GFRA1: variants seen among roughly 807,000 people sequenced by gnomAD.
The protein encoded by GFRA1 is GDNF family receptor alpha 1.
GFRA1 carries 16 observed loss-of-function variants against 51.6 expected under a neutral mutation model. The observed-to-expected ratio is 0.31, with a 90% CI of 0.21 to 0.47. The LOEUF (loss-of-function observed/expected upper bound fraction) is 0.47. Among genes scored for constraint, GFRA1 ranks in the 20% least tolerant of loss-of-function variants. The pLI, the probability that GFRA1 is intolerant of heterozygous loss-of-function variation, is 1.00. For synonymous variants in GFRA1, 270 were observed against 241.3 expected, an observed-to-expected ratio of 1.12 and a Z score of -1.10; for missense variants, 530 against 594.3, an observed-to-expected ratio of 0.89 and a Z score of 1.13.
intron 5 of GFRA1, among the ~76,000 whole-genome samples, chr10:116,203,592 CCAAA>C (rs1337202845): frequency 2.0e-5 from 3 of 152,136 alleles, no homozygotes; most frequent in African/African-American, 4.8e-5. Flanking sequence ...GGGCACCAGC[CCAAA>C]CAGACAAACA....
chr10:116,089,512 C>T (rs1281745189), intron 9 of GFRA1, among the ~76,000 whole-genome samples: 1 of 152,168 alleles, frequency 6.6e-6, no homozygotes, highest in East Asian at 1.9e-4. Flanking sequence ...GGGCCAGAAA[C>T]AAGCCACACT....
At chr10:116,196,847 A>ATATT (rs1256765205) in intron 5 of GFRA1, among the ~76,000 whole-genome samples, 21 of 93,496 alleles carry the variant, frequency 2.2e-4, no homozygotes, top group African/African-American at 7.0e-4. Context: ...ATATATATAT[A>ATATT]TTTTTTTTCC....
chr10:116,129,073 A>G (rs1474550765), intron 5 of GFRA1, among the ~76,000 whole-genome samples: 1 of 152,190 alleles, frequency 6.6e-6, no homozygotes, highest in Non-Finnish European at 1.5e-5. Context: ...TGGAATATTC[A>G]AAGGGGAAAA....
chr10:116,269,706 T>A (rs1290731077), intron 3 of GFRA1, 120 bp from the exon 4 acceptor site: 1 of 714,172 alleles, frequency 1.4e-6, no homozygotes, highest in Non-Finnish European at 2.6e-6. Flanking sequence ...GCTGAAACTT[T>A]GAAAGATTTC....
At chr10:116,151,430 G>A (rs897552513) in intron 5 of GFRA1, among the ~76,000 whole-genome samples, 3 of 152,096 alleles carry the variant, frequency 2.0e-5, no homozygotes, top group Admixed American at 2.0e-4. Context: ...TGGGGAAGGG[G>A]CACCCCACTA....
chr10:116,096,981 C>T (rs1036881867), intron 6 of GFRA1, among the ~76,000 whole-genome samples: 3 of 152,122 alleles, frequency 2.0e-5, no homozygotes, highest in African/African-American at 4.8e-5. Flanking sequence ...GTCCCTTTCC[C>T]CAGCCCTCGC....
At chr10:116,134,082 G>T (rs118123801) in intron 5 of GFRA1, among the ~76,000 whole-genome samples, 2,325 of 152,280 alleles carry the variant, frequency 0.015, 27 homozygotes, top group Middle Eastern at 0.037. Context: ...TATTTCTATG[G>T]ATTATGAGGT....
chr10:116,064,625 G>T, intron 10 of GFRA1, 81 bp from the exon 11 acceptor site: 1 of 1,306,562 alleles, frequency 7.7e-7, no homozygotes, highest in Non-Finnish European at 1.1e-6. Context: ...CTCTCCCCCC[G>T]ACTCCCCACT....
intron 6 of GFRA1, among the ~76,000 whole-genome samples, chr10:116,121,855 T>C (rs980756982): frequency 5.3e-5 from 8 of 152,286 alleles, no homozygotes; most frequent in Non-Finnish European, 5.9e-5. Flanking sequence ...TACCAGCTGC[T>C]ACTCTGGGTA....
intron 4 of GFRA1, among the ~76,000 whole-genome samples, chr10:116,221,375 A>T (rs1224607633): frequency 6.6e-6 from 1 of 152,164 alleles, no homozygotes; most frequent in African/African-American, 2.4e-5. Flanking sequence ...GAACAAATAA[A>T]TATGCCTCGT....
At chr10:116,066,277 G>C (rs953549188) in intron 9 of GFRA1, among the ~76,000 whole-genome samples, 1 of 152,186 alleles carries the variant, frequency 6.6e-6, no homozygotes, top group African/African-American at 2.4e-5. Context: ...CCACTCACTA[G>C]TCACTGTTTA....
chr10:116,152,472 G>A (rs992633713), intron 5 of GFRA1, among the ~76,000 whole-genome samples: 4 of 152,264 alleles, frequency 2.6e-5, no homozygotes, highest in African/African-American at 9.6e-5. Flanking sequence ...TGGGAGTAGG[G>A]GCAAGAGGCC....
intron 4 of GFRA1, among the ~76,000 whole-genome samples, chr10:116,228,721 G>A (rs1449156054): frequency 1.3e-5 from 2 of 151,904 alleles, no homozygotes; most frequent in Admixed American, 6.6e-5. Flanking sequence ...GGTGGCTCAC[G>A]CCTGTAATCC....
chr10:116,110,038 G>A lies in GFRA1; in HGVS notation c.771-13274C>T, dbSNP rs144070892. On this transcript the variant is annotated intron_variant, in intron 6 of 10. Coordinates refer to ENST00000355422, the MANE Select transcript of GFRA1 (RefSeq NM_005264.8). ...ATATTGCTGTTACCACACTCAAGGT[G>A]CTCCCTGTGCCCGCTGCCTCTCTCC... 1.1e-3 allele frequency among the ~76,000 whole-genome samples: 173 copies of A among 152,240 alleles called. 2 individuals are homozygous for A. Among genetic ancestry groups the A allele is most frequent in the African/African-American group, 3.9e-3 (160 of 41,556 alleles).
At chr10:116,184,637 C>A (rs1314799716) in intron 5 of GFRA1, among the ~76,000 whole-genome samples, 1 of 152,128 alleles carries the variant, frequency 6.6e-6, no homozygotes, top group Non-Finnish European at 1.5e-5. Flanking sequence ...GTGGGCCTCC[C>A]GGCCAGCTGC....
At chr10:116,244,311 A>C (rs1016281505) in intron 4 of GFRA1, among the ~76,000 whole-genome samples, 2 of 143,940 alleles carry the variant, frequency 1.4e-5, no homozygotes, top group South Asian at 4.3e-4. Context: ...AAAAATTATA[A>C]TATATAATAT....
At chr10:116,133,683 A>C (rs1479083913) in intron 5 of GFRA1, among the ~76,000 whole-genome samples, 2 of 152,268 alleles carry the variant, frequency 1.3e-5, no homozygotes, top group African/African-American at 4.8e-5. Context: ...GAGGGACAGA[A>C]TGTAAAACCC....
intron 5 of GFRA1, among the ~76,000 whole-genome samples, chr10:116,128,711 G>T (rs1957976091): frequency 8.4e-6 from 1 of 119,152 alleles, no homozygotes; most frequent in African/African-American, 3.5e-5. Flanking sequence ...GGGGGACTGA[G>T]TGAGACTCTG....
intron 4 of GFRA1, among the ~76,000 whole-genome samples, chr10:116,218,743 C>T (rs146087482): frequency 2.0e-5 from 3 of 152,256 alleles, no homozygotes; most frequent in African/African-American, 4.8e-5. Context: ...AAGGACTAAC[C>T]GGAAGGCCTC....
Sources: gnomAD v4.1 joint callset for allele counts (sites outside exome capture counted in the v4.1 genomes callset) on GRCh38, gnomAD v4.1.1 for gene constraint, MANE v1.5 for transcripts, NCBI Gene and HGNC (gene_info 2026-07-23, HGNC 2026-07-21) for gene names.